The following RMDN2 variants were observed in gnomAD, a reference collection of about 807,000 sequenced individuals.
RMDN2 encodes regulator of microtubule dynamics protein 2.
Under a neutral mutation model 52.8 loss-of-function variants are expected in RMDN2, and 61 were observed. That is an observed-to-expected ratio of 1.16 (90% CI 0.94 to 1.43). RMDN2 has a LOEUF of 1.43. Ranked by LOEUF, RMDN2 falls within the 40% of genes most tolerant of loss-of-function variation. The pLI is 0.00. For synonymous variants in RMDN2, 180 were observed against 153.1 expected (o/e 1.18, Z -1.30); for missense variants, 592 against 475.3 (o/e 1.25, Z -2.28).
At chr2:37,942,671 C>T (rs893743559) in intron 2 of RMDN2, among the ~76,000 whole-genome samples, 10 of 152,218 alleles carry the variant, frequency 6.6e-5, no homozygotes, top group South Asian at 4.1e-4. Flanking sequence ...AAAACCAGTA[C>T]GATCAAACTT....
intron 10 of RMDN2, among the ~76,000 whole-genome samples, chr2:38,044,602 C>T (rs1459937719): frequency 1.3e-5 from 2 of 150,452 alleles, no homozygotes; most frequent in South Asian, 4.2e-4. Context: ...TTTCTGTTTG[C>T]ATTTCAATTT....
intron 3 of RMDN2, 110 bp downstream of exon 3, chr2:37,974,324 T>G (rs1326917191): frequency 6.0e-6 from 4 of 669,218 alleles, no homozygotes; most frequent in Non-Finnish European, 4.5e-6. Flanking sequence ...ATTTTGATGA[T>G]TGATGTAAAA....
At chr2:37,984,500 TAGTA>T (rs1448402725) in intron 5 of RMDN2, among the ~76,000 whole-genome samples, 1 of 152,232 alleles carries the variant, frequency 6.6e-6, no homozygotes, top group Non-Finnish European at 1.5e-5. Flanking sequence ...GTGTATTGAT[TAGTA>T]ATCAGAGCAA....
chr2:37,996,361 G>T (rs184088728), intron 7 of RMDN2, among the ~76,000 whole-genome samples: 1 of 152,072 alleles, frequency 6.6e-6, no homozygotes, highest in African/African-American at 2.4e-5. Context: ...GAGGCAGGAG[G>T]ATCTCTTGAG....
chr2:37,948,824 G>T (rs1198854776), intron 2 of RMDN2, among the ~76,000 whole-genome samples: 3 of 152,102 alleles, frequency 2.0e-5, no homozygotes, highest in Admixed American at 6.6e-5. Context: ...CTTGAATAAG[G>T]TCGGGGGAGT....
chr2:37,982,280 C>T (rs895025192), intron 5 of RMDN2, among the ~76,000 whole-genome samples: 12 of 152,198 alleles, frequency 7.9e-5, no homozygotes, highest in Non-Finnish European at 1.5e-4. Flanking sequence ...CACTCTGCCA[C>T]CAGCAGGGGG....
At chr2:38,060,359 G>T (rs1682000263) in intron 10 of RMDN2, among the ~76,000 whole-genome samples, 1 of 152,106 alleles carries the variant, frequency 6.6e-6, no homozygotes, top group Non-Finnish European at 1.5e-5. Flanking sequence ...ATCATTCCTG[G>T]AAACCACATT....
At chr2:37,933,039 G>A (rs191510135) in intron 2 of RMDN2, among the ~76,000 whole-genome samples, 8,982 of 151,498 alleles carry the variant, frequency 0.059, 299 homozygotes, top group African/African-American at 0.091. Context: ...GCCGGGCGGA[G>A]GGACTCCTCA....
chr2:37,954,372 T>C (rs891845026), intron 2 of RMDN2, among the ~76,000 whole-genome samples: 17 of 152,156 alleles, frequency 1.1e-4, no homozygotes, highest in Admixed American at 9.8e-4. Context: ...AGTTAATTTT[T>C]GTGTGTGATG....
In RMDN2 at chr2:37,974,075, G is replaced by C; in HGVS notation, c.488G>C (p.Ser163Thr). ...GCTAATACTGACACAGAAGAACAGA[G>C]TTTTCCAGTCCCTAAGGCATTTAAC... ...ITANTDTEEQ[S>T]FPVPKAFNTR... Residue 163 changes from serine (S) to threonine (T), a missense_variant, in exon 3 of 11, where the codon AGT (serine) becomes ACT (threonine). Physicochemically the swap from Ser to Thr is moderately conservative, Grantham distance 58 (BLOSUM62 1). Coordinates refer to ENST00000354545, the MANE Select transcript of RMDN2 (RefSeq NM_001170791.3). 3 of 1,611,700 alleles carry C rather than the reference G, an allele frequency of 1.9e-6. No individual in the cohort carries two copies. The highest frequency in any genetic ancestry group is 2.5e-6 in the Non-Finnish European group (3 of 1,178,960).
At chr2:37,973,969 A>C in intron 2 of RMDN2, 71 bp from the exon 3 acceptor site, 1 of 1,252,878 alleles carries the variant, frequency 8.0e-7, no homozygotes, top group Non-Finnish European at 1.1e-6. Flanking sequence ...TTTGACTTGC[A>C]TTTTAAAAGG....
intron 10 of RMDN2, among the ~76,000 whole-genome samples, chr2:38,065,333 T>C (rs1404619421): frequency 6.6e-6 from 1 of 151,656 alleles, no homozygotes; most frequent in Non-Finnish European, 1.5e-5. Context: ...TACTTATCCA[T>C]TGAGAGAGAG....
chr2:38,034,084 A>G (rs1680408915), intron 10 of RMDN2, among the ~76,000 whole-genome samples: 1 of 152,204 alleles, frequency 6.6e-6, no homozygotes, highest in Admixed American at 6.5e-5. Context: ...ATCTACTCAG[A>G]AAGACTTCTA....
At position 38,046,798 on chromosome 2, in the gene RMDN2, T is replaced by C. The variant is rs1325357324; in HGVS notation, c.1714-20184T>C. Among the ~76,000 whole-genome samples the C allele has an allele frequency of 2.6e-5, 4 of 152,024 alleles. No homozygotes were observed. In the East Asian group the frequency reaches 7.7e-4, roughly 29 times the overall value. ...AGGAGATAGAGACCAGCCTGGCCAA[T>C]ATGGTGAAACCCCGTCTCTACGAAA... On this transcript the variant is annotated intron_variant, in intron 10 of 10. Coordinates refer to the RMDN2 transcript ENST00000234195.
intron 10 of RMDN2, chr2:38,035,947 A>G (rs768924983): frequency 1.3e-5 from 2 of 152,082 alleles, no homozygotes; most frequent in African/African-American, 4.8e-5. Flanking sequence ...TGCACACACT[A>G]TTTAGGTCTG....
chr2:37,983,079 C>T (rs888860063), intron 5 of RMDN2, among the ~76,000 whole-genome samples: 2 of 152,112 alleles, frequency 1.3e-5, no homozygotes, highest in African/African-American at 4.8e-5. Flanking sequence ...CTCCCCTCCT[C>T]TTCCTTCTCT....
At chr2:37,925,732 G>T (rs371594581) in intron 1 of RMDN2, among the ~76,000 whole-genome samples, 63 of 152,322 alleles carry the variant, frequency 4.1e-4, no homozygotes, top group African/African-American at 1.5e-3. Flanking sequence ...GCAGTTTGCT[G>T]CCTCGGCCCG....
At chr2:38,021,164 C>T (rs1408161276), downstream of RMDN2, among the ~76,000 whole-genome samples, 2 of 152,176 alleles carry the variant, frequency 1.3e-5, no homozygotes, top group African/African-American at 4.8e-5. Flanking sequence ...TTCATGTCCA[C>T]ACTCTGTATC....
intron 10 of RMDN2, among the ~76,000 whole-genome samples, chr2:38,037,242 G>A (rs990190497): frequency 2.6e-5 from 4 of 152,154 alleles, no homozygotes; most frequent in African/African-American, 9.7e-5. Flanking sequence ...TGGACATAAA[G>A]CAATTGACAC....
Sources: allele counts gnomAD v4.1 joint callset (sites outside exome capture counted in the v4.1 genomes callset), GRCh38; gene constraint gnomAD v4.1.1; transcripts MANE v1.5; gene names NCBI Gene and HGNC (gene_info 2026-07-23, HGNC 2026-07-21).